EVA1C: variants seen among roughly 807,000 people sequenced by gnomAD.
EVA1C encodes protein eva-1 homolog C.
EVA1C carries 25 observed loss-of-function variants against 45.4 expected under a neutral mutation model. That is an observed-to-expected ratio of 0.55 (90% CI 0.40 to 0.77). The LOEUF (loss-of-function observed/expected upper bound fraction) is 0.77, where lower values mean the gene tolerates loss of function less well. Ranked by LOEUF, EVA1C falls within the 30% of genes least tolerant of loss-of-function variation. The pLI, the probability that EVA1C is intolerant of heterozygous loss-of-function variation, is 0.00. For missense variants in EVA1C, 479 were observed against 554.8 expected, an observed-to-expected ratio of 0.86 and a Z score of 1.37; for synonymous variants, 190 against 221.2, an observed-to-expected ratio of 0.86 and a Z score of 1.25.
At chr21:32,492,306 T>A (rs2037187097) in intron 4 of EVA1C, among the ~76,000 whole-genome samples, 1 of 151,816 alleles carries the variant, frequency 6.6e-6, no homozygotes, top group African/African-American at 2.4e-5. Context: ...GTCCATGTGA[T>A]CTCCTCAAAG....
At chr21:32,460,067 G>A (rs112278140) in intron 3 of EVA1C, among the ~76,000 whole-genome samples, 29 of 152,258 alleles carry the variant, frequency 1.9e-4, no homozygotes, top group Non-Finnish European at 2.9e-4. Flanking sequence ...CATGACTATC[G>A]TGTGAGGTTT....
intron 1 of EVA1C, among the ~76,000 whole-genome samples, chr21:32,429,734 A>T (rs1293478267): frequency 6.6e-6 from 1 of 152,228 alleles, no homozygotes; most frequent in Non-Finnish European, 1.5e-5. Flanking sequence ...GAGCTGTCCA[A>T]TAGAAATATA....
Position 32,501,419 on chromosome 21 carries a change from C to G in EVA1C, c.783C>G (p.Pro261=), listed in dbSNP as rs759546002. 3.8e-6 allele frequency: 6 copies of G among 1,587,000 alleles called. No individual in the cohort carries two copies. The Admixed American group carries it at 1.0e-4, about 28-fold the overall frequency. ...TATTTCTTTTTTGGCTTTTAGTTCC[C>G]AAGAACATACTCACAGCGATTGATC... The part of the protein sequence containing the change: ...KYLTVTYACV[P]KNILTAIDPA... Residue 261 remains proline, a synonymous_variant, in exon 6 of 8, where the codon CCC becomes CCG. Transcript: ENST00000300255.
chr21:32,462,180 A>G (rs913951405), intron 3 of EVA1C, among the ~76,000 whole-genome samples: 2 of 151,196 alleles, frequency 1.3e-5, no homozygotes, highest in Non-Finnish European at 2.9e-5. Flanking sequence ...GAGGCCAGTC[A>G]TTAGAGACTA....
chr21:32,483,900 G>A (rs2036879256), intron 4 of EVA1C, among the ~76,000 whole-genome samples: 4 of 151,942 alleles, frequency 2.6e-5, no homozygotes, highest in South Asian at 4.2e-4. Flanking sequence ...TGGTATGGCC[G>A]TAGACGTCCT....
intron 1 of EVA1C, among the ~76,000 whole-genome samples, chr21:32,422,756 A>G (rs970538364): frequency 1.3e-5 from 2 of 152,160 alleles, no homozygotes; most frequent in Admixed American, 6.5e-5. Context: ...AGACAAATTT[A>G]CCGCTAATGA....
intron 7 of EVA1C, among the ~76,000 whole-genome samples, chr21:32,511,419 C>CAAAAAAAAAAAAAAAA (rs749141703): frequency 4.2e-5 from 2 of 47,596 alleles, no homozygotes; most frequent in Non-Finnish European, 7.6e-5. Flanking sequence ...AACTCCGTCT[C>CAAAAAAAAAAAAAAAA]AAAAAAAAAA....
intron 1 of EVA1C, among the ~76,000 whole-genome samples, chr21:32,440,799 C>T (rs1363594722): frequency 2.0e-5 from 3 of 152,190 alleles, no homozygotes; most frequent in Admixed American, 1.3e-4. Context: ...CTGTGTCATT[C>T]ATTCAAGAGC....
chr21:32,442,070 C>A (rs2833834), intron 1 of EVA1C, among the ~76,000 whole-genome samples: 56,691 of 151,994 alleles, frequency 0.37, 11,575 homozygotes, highest in East Asian at 0.52. Flanking sequence ...ACTGTACTAC[C>A]AGGAGAGATT....
intron 4 of EVA1C, among the ~76,000 whole-genome samples, chr21:32,473,616 C>T (rs1428368724): frequency 6.6e-6 from 1 of 152,206 alleles, no homozygotes; most frequent in Non-Finnish European, 1.5e-5. Flanking sequence ...ACTTTGCTCC[C>T]AGCCTCCTCC....
chr21:32,473,019 C>T (rs978531564), intron 4 of EVA1C, among the ~76,000 whole-genome samples: 1 of 152,272 alleles, frequency 6.6e-6, no homozygotes. Flanking sequence ...AGCTCAAAGA[C>T]AAAAATCAAA....
intron 1 of EVA1C, among the ~76,000 whole-genome samples, chr21:32,432,796 C>T: frequency 6.6e-6 from 1 of 152,204 alleles, no homozygotes; most frequent in East Asian, 1.9e-4. Flanking sequence ...TCATAGGTCA[C>T]TGCAGCCTTG....
chr21:32,501,643 T>G, intron 6 of EVA1C, 148 bp downstream of exon 6: 3 of 912,954 alleles, frequency 3.3e-6, no homozygotes, highest in African/African-American at 1.7e-5. Context: ...ATAGCGCTTA[T>G]TATCGGCCAA....
At chr21:32,447,368 C>T (rs558090801) in intron 1 of EVA1C, among the ~76,000 whole-genome samples, 6 of 151,772 alleles carry the variant, frequency 4.0e-5, no homozygotes, top group Non-Finnish European at 5.9e-5. Flanking sequence ...GACTCCGTCT[C>T]GGTGGGGGGA....
rs376116923 is a variant in EVA1C, at chr21:32,514,843, G to C, written c.979G>C (p.Val327Leu). The C allele has an allele frequency of 1.9e-6, 3 of 1,590,988 alleles. No homozygotes were observed. The highest frequency in any genetic ancestry group is 1.3e-5 in the African/African-American group (1 of 74,414). ...AHPERAALLF[V>L]SSVCIGLALT... is the part of the protein sequence containing the mutation. ...CCCGGAGAGAGCTGCCCTGCTGTTC[G>C]TGTCCAGTGTCTGCATCGGCCTGGC... Residue 327 changes from valine (V) to leucine (L), a missense_variant, in exon 8 of 8, where the codon GTG becomes CTG. Val to Leu is a conservative substitution (Grantham distance 32, BLOSUM62 1). Coordinates refer to ENST00000300255, the MANE Select transcript of EVA1C (RefSeq NM_058187.5).
At chr21:32,470,344 A>G (rs2036324842) in intron 4 of EVA1C, among the ~76,000 whole-genome samples, 1 of 152,188 alleles carries the variant, frequency 6.6e-6, no homozygotes. Flanking sequence ...TGTGTCGAGA[A>G]TGGTGGAGGG....
chr21:32,439,510 A>C (rs559141907), intron 1 of EVA1C, among the ~76,000 whole-genome samples: 14 of 152,138 alleles, frequency 9.2e-5, no homozygotes, highest in Non-Finnish European at 1.9e-4. Context: ...TGTGAAATAC[A>C]AAGGAAGAAA....
chr21:32,459,872 C>A (rs999097427), intron 3 of EVA1C, among the ~76,000 whole-genome samples: 4 of 147,378 alleles, frequency 2.7e-5, no homozygotes, highest in African/African-American at 1.0e-4. Flanking sequence ...GGCCCTTGTT[C>A]AAGATATTAA....
At chr21:32,508,745 C>T (rs1420566705) in intron 7 of EVA1C, among the ~76,000 whole-genome samples, 2 of 152,196 alleles carry the variant, frequency 1.3e-5, no homozygotes, top group African/African-American at 2.4e-5. Flanking sequence ...ACAGGGGGAA[C>T]GCTCGCCATG....
Sources: gnomAD v4.1 joint callset for allele counts (sites outside exome capture counted in the v4.1 genomes callset) on GRCh38, gnomAD v4.1.1 for gene constraint, MANE v1.5 for transcripts, NCBI Gene and HGNC (gene_info 2026-07-23, HGNC 2026-07-21) for gene names.